The following MACROD2 variants were observed in gnomAD, a reference collection of about 807,000 sequenced individuals.
The protein encoded by MACROD2 is mono-ADP ribosylhydrolase 2.
In MACROD2, 36 loss-of-function variants were observed where a neutral mutation model predicts 70.4. That is an observed-to-expected ratio of 0.51 (90% CI 0.39 to 0.68). The LOEUF is 0.68. Ranked by LOEUF, MACROD2 falls within the 30% of genes least tolerant of loss-of-function variation. The pLI, the probability that MACROD2 is intolerant of heterozygous loss-of-function variation, is 0.00. For missense variants in MACROD2, 496 were observed against 538.4 expected (o/e 0.92, Z 0.78); for synonymous variants, 172 against 178.8 (o/e 0.96, Z 0.30).
intron 8 of MACROD2, among the ~76,000 whole-genome samples, chr20:15,527,349 A>G (rs2047735797): frequency 6.6e-6 from 1 of 152,246 alleles, no homozygotes; most frequent in Non-Finnish European, 1.5e-5. Flanking sequence ...AACATAATGT[A>G]ATCTTATGAA....
chr20:15,379,648 A>G (rs1431228374), intron 6 of MACROD2, among the ~76,000 whole-genome samples: 2 of 152,138 alleles, frequency 1.3e-5, no homozygotes, highest in African/African-American at 2.4e-5. Context: ...CACCTGGAAA[A>G]TGTATGTCTA....
chr20:14,417,909 G>A (rs768006152), intron 3 of MACROD2, among the ~76,000 whole-genome samples: 2 of 152,170 alleles, frequency 1.3e-5, no homozygotes. Context: ...ATACATGTGA[G>A]ATATGATGGA....
intron 6 of MACROD2, among the ~76,000 whole-genome samples, chr20:15,360,465 A>G (rs914446531): frequency 2.6e-5 from 4 of 152,182 alleles, no homozygotes; most frequent in Admixed American, 2.0e-4. Context: ...ATAAGTCACT[A>G]AATGAGAAAG....
At chr20:14,674,617 G>A (rs1052194844) in intron 4 of MACROD2, among the ~76,000 whole-genome samples, 6 of 152,168 alleles carry the variant, frequency 3.9e-5, no homozygotes, top group East Asian at 3.9e-4. Context: ...TTTCTACTTC[G>A]TAACACTACC....
At chr20:14,549,111 T>C (rs1300233990) in intron 4 of MACROD2, among the ~76,000 whole-genome samples, 2 of 152,198 alleles carry the variant, frequency 1.3e-5, no homozygotes, top group Non-Finnish European at 2.9e-5. Flanking sequence ...CATGGAGATC[T>C]GGGCAGTGCA....
At chr20:15,956,302 G>A (rs1002911872) in intron 12 of MACROD2, among the ~76,000 whole-genome samples, 1 of 152,172 alleles carries the variant, frequency 6.6e-6, no homozygotes, top group Non-Finnish European at 1.5e-5. Context: ...TTAGTTTGTT[G>A]TTCTTCTTCT....
intron 3 of MACROD2, among the ~76,000 whole-genome samples, chr20:14,139,111 G>A (rs2054837357): frequency 6.6e-6 from 1 of 152,160 alleles, no homozygotes; most frequent in Non-Finnish European, 1.5e-5. Flanking sequence ...TAGTGATTCT[G>A]AGAAGTCATT....
chr20:14,704,476 T>G (rs2071244348), intron 5 of MACROD2, among the ~76,000 whole-genome samples: 1 of 152,188 alleles, frequency 6.6e-6, no homozygotes, highest in South Asian at 2.1e-4. Context: ...TGTTTATTGT[T>G]TCTTTCCTAC....
chr20:14,525,340 TAAAAGTTAGCAATGCTA>T (rs770365367), intron 4 of MACROD2, among the ~76,000 whole-genome samples: 11 of 152,222 alleles, frequency 7.2e-5, no homozygotes, highest in Non-Finnish European at 1.3e-4. Context: ...TCCAAGCTGT[TAAAAGTTAGCAATGCTA>T]ATGATAGTGA....
At chr20:15,369,510 A>T (rs1022881094) in intron 6 of MACROD2, among the ~76,000 whole-genome samples, 18 of 152,288 alleles carry the variant, frequency 1.2e-4, no homozygotes, top group Non-Finnish European at 2.2e-4. Flanking sequence ...TCAACAAAAA[A>T]GTCTAGTGTA....
intron 3 of MACROD2, among the ~76,000 whole-genome samples, chr20:14,460,192 G>A (rs2084351895): frequency 6.6e-6 from 1 of 152,094 alleles, no homozygotes; most frequent in Non-Finnish European, 1.5e-5. Flanking sequence ...ACATACGTGT[G>A]CATGTGTCTT....
At chr20:14,142,279 T>G (rs1446659270) in intron 3 of MACROD2, among the ~76,000 whole-genome samples, 1 of 152,164 alleles carries the variant, frequency 6.6e-6, no homozygotes, top group East Asian at 1.9e-4. Flanking sequence ...GACTCGTTTT[T>G]GTCACCAGGG....
intron 3 of MACROD2, among the ~76,000 whole-genome samples, chr20:14,372,357 C>G (rs948647695): frequency 3.5e-5 from 5 of 144,764 alleles, no homozygotes; most frequent in Non-Finnish European, 7.6e-5. Flanking sequence ...AATAATAATA[C>G]AGAGAGTAAT....
intron 4 of MACROD2, among the ~76,000 whole-genome samples, chr20:14,551,722 C>A (rs186422007): frequency 2.0e-5 from 3 of 152,112 alleles, no homozygotes. Context: ...TAAGAATAGA[C>A]CTTTGTATTT....
At chr20:14,699,462 A>G (rs1464031335) in intron 5 of MACROD2, among the ~76,000 whole-genome samples, 3 of 152,200 alleles carry the variant, frequency 2.0e-5, no homozygotes, top group African/African-American at 7.2e-5. Flanking sequence ...TTGCAGCAAC[A>G]TGAGAAATCT....
intron 5 of MACROD2, among the ~76,000 whole-genome samples, chr20:14,944,848 T>C (rs2074417642): frequency 1.3e-5 from 2 of 152,208 alleles, no homozygotes; most frequent in East Asian, 3.9e-4. Context: ...TGGGTCTGCC[T>C]TCTCACCCTT....
chr20:15,952,285 T>C lies in MACROD2; in HGVS notation c.907+14741T>C, dbSNP rs1279525541. ...ATACATAATGAGACAAATATTTCTG[T>C]CAACCTCTTCCTCAGGGTGGATGGT... On this transcript the variant is annotated intron_variant, in intron 12 of 17. Transcript: ENST00000684519. Among the ~76,000 whole-genome samples the C allele has an allele frequency of 2.6e-5, 4 of 152,134 alleles. No individual in the cohort carries two copies. The South Asian group carries it at 6.2e-4, about 24-fold the overall frequency.
chr20:15,687,724 C>G (rs1333044755), intron 8 of MACROD2, among the ~76,000 whole-genome samples: 2 of 152,128 alleles, frequency 1.3e-5, no homozygotes, highest in African/African-American at 2.4e-5. Flanking sequence ...TCTGCAATTG[C>G]CCTGGACTCA....
chr20:15,553,899 T>C (rs879608393), intron 8 of MACROD2, among the ~76,000 whole-genome samples: 3 of 152,194 alleles, frequency 2.0e-5, no homozygotes, highest in Non-Finnish European at 2.9e-5. Context: ...CCTGGAGACT[T>C]CATCTGAAGA....
Sources: allele counts gnomAD v4.1 joint callset (sites outside exome capture counted in the v4.1 genomes callset), GRCh38; gene constraint gnomAD v4.1.1; transcripts MANE v1.5; gene names NCBI Gene and HGNC (gene_info 2026-07-23, HGNC 2026-07-21).